Variants in GPR4 observed in about 807,000 individuals in gnomAD.
GPR4 encodes G protein-coupled receptor 4, also known as G-prodeshotein coupled receptor 4.
In GPR4, 11 loss-of-function variants were observed where a neutral mutation model predicts 17.8. That is an observed-to-expected ratio of 0.62 (90% CI 0.39 to 1.02). The LOEUF (loss-of-function observed/expected upper bound fraction) is 1.02. Among genes scored for constraint, GPR4 ranks in the 50% least tolerant of loss-of-function variants. The pLI, the probability that GPR4 is intolerant of heterozygous loss-of-function variation, is 0.00. For synonymous variants in GPR4, 219 were observed against 222.8 expected (o/e 0.98, Z 0.15); for missense variants, 364 against 495.4 (o/e 0.73, Z 2.52).
chr19:45,591,635 G>A lies in GPR4; in HGVS notation c.232C>T (p.Leu78=). 1.9e-6 allele frequency: 3 copies of A among 1,614,166 alleles called. No homozygotes were observed. The highest frequency in any genetic ancestry group is 2.5e-6 in the Non-Finnish European group (3 of 1,180,006). ...CTLPLWVDYF[L]HHDNWIHGPG... is the part of the protein sequence containing the mutation. ...CCGTGGATCCAGTTGTCGTGGTGCA[G>A]GAAGTAGTCCACCCACAGCGGCAGC... Residue 78 remains leucine, a synonymous_variant, in exon 2 of 2, where the codon CTG becomes TTG. Coordinates refer to ENST00000323040, the MANE Select transcript of GPR4 (RefSeq NM_005282.3). The surrounding 1 kb of genome is among the most constrained non-coding windows in gnomAD (Gnocchi z 7.6).
In GPR4 at chr19:45,592,700, G is replaced by A. The variant is rs1970010970; in HGVS notation, c.-831-3C>T. 6.0e-6 allele frequency: 1 copy of A among 166,876 alleles called. No individual in the cohort carries two copies. The highest frequency in any genetic ancestry group is 1.5e-5 in the Non-Finnish European group (1 of 68,234). The allele number at this position is 166,876 out of a possible 1,614,324, so 10.3% of individuals were successfully genotyped here. A position where few individuals can be genotyped will look rare whatever the true frequency, so the allele number is the denominator to read the frequency against. The stretch of plus-strand genomic sequence containing the variant: ...CAGTTCACCGCTGACTGCAGTGCCT[G>A]TTGGGAGAGAGGACAGCAGTGAGGG... On this transcript the variant is annotated splice_polypyrimidine_tract_variant and splice_region_variant and intron_variant, in intron 1 of 1. Coordinates refer to ENST00000323040, the MANE Select transcript of GPR4 (RefSeq NM_005282.3).
At position 45,591,375 on chromosome 19, in the gene GPR4, G is replaced by T; in HGVS notation, c.492C>A (p.Asn164Lys). 6.2e-7 allele frequency: 1 copy of T among 1,613,612 alleles called. No individual in the cohort carries two copies. The highest frequency in any genetic ancestry group is 8.5e-7 in the Non-Finnish European group (1 of 1,179,940). The stretch of plus-strand genomic sequence containing the variant: ...GGAACTTCTCAAAGCAGAAGGTGTG[G>T]TTGTAGCGGTCTCGGAAGAGCTCGT... The part of the protein sequence containing the change: ...FHDELFRDRY[N>K]HTFCFEKFPM... Residue 164 changes from asparagine (N) to lysine (K), a missense_variant, in exon 2 of 2, where the codon AAC (asparagine) becomes AAA (lysine). Coordinates refer to ENST00000323040, the MANE Select transcript of GPR4 (RefSeq NM_005282.3). The surrounding 1 kb of genome is among the most constrained non-coding windows in gnomAD (Gnocchi z 7.6).
chr19:45,591,798 G>A lies in GPR4; in HGVS notation c.69C>T (p.Leu23=), dbSNP rs766500177. 8.7e-6 allele frequency: 14 copies of A among 1,608,554 alleles called. No homozygotes were observed. In the South Asian group the frequency reaches 1.5e-4, roughly 18 times the overall value. The change falls in exon 2 of 2, where the codon CTC becomes CTT. Residue 23 remains leucine (L), a synonymous_variant. Transcript: ENST00000323040. This position sits in a 1 kb window ranked among gnomAD's most constrained non-coding sequence, Gnocchi z 7.6. ...GCCCCACGCCGATGACAAAGATGTA[G>A]AGGGATGGCGGAAAGAGGTGGTCCA... The part of the protein sequence containing the change: ...SRVDHLFPPS[L]YIFVIGVGLP...
chr19:45,597,440 C>A (rs1047872962), intron 1 of GPR4, among the ~76,000 whole-genome samples: 1 of 152,160 alleles, frequency 6.6e-6, no homozygotes, highest in African/African-American at 2.4e-5. Context: ...CCCCGACTCT[C>A]CCCTGCCCCA....
At position 45,590,601 on chromosome 19, in the gene GPR4, TG is replaced by T; in HGVS notation, c.*176del. Reference sequence around the variant, plus strand: ...GCCCTCCACAATCGCCAAACTGTGATGGGATCTGGGAGCACAAAGGTTGACC... The same window carrying T: ...GCCCTCCACAATCGCCAAACTGTGATGGATCTGGGAGCACAAAGGTTGACC... On this transcript the variant is annotated 3_prime_UTR_variant, in exon 2 of 2. Transcript: ENST00000323040. 1.4e-6 allele frequency: 1 copy of T among 699,018 alleles called. No homozygotes were observed. The highest frequency in any genetic ancestry group is 2.2e-6 in the Non-Finnish European group (1 of 448,282). 43.3% of individuals were successfully genotyped at this position (699,018 alleles called of 1,614,324 possible). A position where few individuals can be genotyped will look rare whatever the true frequency, so the allele number is the denominator to read the frequency against.
intron 1 of GPR4, among the ~76,000 whole-genome samples, chr19:45,596,899 C>T (rs1028146122): frequency 2.0e-5 from 3 of 152,034 alleles, no homozygotes; most frequent in Non-Finnish European, 4.4e-5. Context: ...AATGGACTTG[C>T]GGTAAAATCC....
chr19:45,600,246 C>T (rs1018531426), intron 1 of GPR4, among the ~76,000 whole-genome samples: 1 of 152,188 alleles, frequency 6.6e-6, no homozygotes, highest in African/African-American at 2.4e-5. Flanking sequence ...CTAGCCTCAG[C>T]CCTCCCCGCT....
Position 45,589,864 on chromosome 19 carries a change from C to T in GPR4, c.*914G>A, listed in dbSNP as rs1969970526. 6.6e-6 allele frequency: 1 copy of T among 152,316 alleles called. No individual in the cohort carries two copies. Among genetic ancestry groups the T allele is most frequent in the Non-Finnish European group, 1.5e-5 (1 of 68,118 alleles). 9.4% of individuals were successfully genotyped at this position (152,316 alleles called of 1,614,324 possible). The stretch of plus-strand genomic sequence containing the variant: ...CTCAGTCATTGTTGTGTCCCCAGCC[C>T]CACCCAGCACAGTGCCCTACATAAA... On this transcript the variant is annotated 3_prime_UTR_variant, in exon 2 of 2. Coordinates refer to ENST00000323040, the MANE Select transcript of GPR4 (RefSeq NM_005282.3).
chr19:45,601,141 G>A (rs979985062), intron 1 of GPR4, among the ~76,000 whole-genome samples: 1 of 152,108 alleles, frequency 6.6e-6, no homozygotes, highest in African/African-American at 2.4e-5. Flanking sequence ...GAACTGGGGG[G>A]TGTGGCCCCA....
At chr19:45,601,608 A>G (rs1240298977) in intron 1 of GPR4, among the ~76,000 whole-genome samples, 2 of 152,164 alleles carry the variant, frequency 1.3e-5, no homozygotes, top group East Asian at 1.9e-4. Context: ...GAAGGTGCCA[A>G]AACAGTGTTA....
chr19:45,594,992 G>A (rs1970042697), intron 1 of GPR4, among the ~76,000 whole-genome samples: 1 of 137,784 alleles, frequency 7.3e-6, no homozygotes, highest in South Asian at 2.3e-4. Flanking sequence ...TCAAAAAAAA[G>A]AAGTCCAGGC....
Position 45,594,064 on chromosome 19 carries a change from ATATATATATATATAT to A in GPR4, c.-831-1382_-831-1368del, listed in dbSNP as rs1243837109. Among the ~76,000 whole-genome samples the A allele has an allele frequency of 2.5e-4, 7 of 28,228 alleles. 1 individual carries two copies. Among genetic ancestry groups the A allele is most frequent in the African/African-American group, 1.3e-3 (6 of 4,742 alleles). 18.5% of individuals were successfully genotyped at this position (28,228 alleles called of 152,430 possible). On this transcript the variant is annotated intron_variant, in intron 1 of 1. Coordinates refer to ENST00000323040, the MANE Select transcript of GPR4 (RefSeq NM_005282.3). ...CCTGGCTTAAAAAAAAAAAAAAAAA[ATATATATATATATAT>A]ATATATATATATATAAAATAGATGC...
rs777179507 is a variant in GPR4, at chr19:45,591,758, G to A, written c.109C>T (p.Leu37=). The A allele has an allele frequency of 1.2e-6, 2 of 1,613,784 alleles. No homozygotes were observed. Among genetic ancestry groups the A allele is most frequent in the Non-Finnish European group, 1.7e-6 (2 of 1,179,934 alleles). ...TGGCGGTAGGCCGCCCACAGAGCCA[G>A]GCAGTTGGTGGGCAGCCCCACGCCG... ...VIGVGLPTNC[L]ALWAAYRQVQ... is the part of the protein sequence containing the mutation. Residue 37 remains leucine (L), a synonymous_variant, in exon 2 of 2, where the codon CTG becomes TTG. Transcript: ENST00000323040. This position sits in a 1 kb window ranked among gnomAD's most constrained non-coding sequence, Gnocchi z 7.6.
At chr19:45,594,010 A>T (rs1484568401) in intron 1 of GPR4, among the ~76,000 whole-genome samples, 2 of 138,004 alleles carry the variant, frequency 1.4e-5, no homozygotes, top group Non-Finnish European at 3.0e-5. Context: ...CCTCCCAAGT[A>T]GCTGGGAACA....
rs1438843274 is a variant in GPR4 at position 45,596,901 on chromosome 19, G to A, written c.-831-4204C>T. ...CCAATGGCTTCTGAATGGACTTGCG[G>A]TAAAATCCAGACTCCTCATCCGGAG... On this transcript the variant is annotated intron_variant, in intron 1 of 1. Transcript: ENST00000323040. Among the ~76,000 whole-genome samples the A allele has an allele frequency of 2.0e-5, 3 of 152,070 alleles. No individual in the cohort carries two copies. The East Asian group carries it at 5.8e-4, about 29-fold the overall frequency.
In GPR4 at chr19:45,591,281, G is replaced by A. The variant is rs1293668571; in HGVS notation, c.586C>T (p.Leu196Phe). Reference sequence around the variant, plus strand: ...ATGCCCCGGTACGACAGCAGCATGAGCGCCCACGGGAAGAGGAAGCCCACG... The same window carrying A: ...ATGCCCCGGTACGACAGCAGCATGAACGCCCACGGGAAGAGGAAGCCCACG... Reference protein sequence around the residue: ...VFVGFLFPWALMLLSYRGILR... With the variant: ...VFVGFLFPWAFMLLSYRGILR... The change falls in exon 2 of 2, where the codon CTC becomes TTC. Residue 196 changes from leucine (L) to phenylalanine (F), a missense_variant. Around this residue, in one of 3 missense-constraint regions of GPR4, gnomAD observed 271 missense variants for 373.1 expected, o/e 0.73. Coordinates refer to ENST00000323040, the MANE Select transcript of GPR4 (RefSeq NM_005282.3). This position sits in a 1 kb window ranked among gnomAD's most constrained non-coding sequence, Gnocchi z 7.6. The A allele has an allele frequency of 6.2e-7, 1 of 1,612,920 alleles. No individual in the cohort carries two copies. The highest frequency in any genetic ancestry group is 8.5e-7 in the Non-Finnish European group (1 of 1,179,914).
Position 45,590,736 on chromosome 19 carries a change from G to C in GPR4, c.*42C>G. 6.5e-7 allele frequency: 1 copy of C among 1,531,110 alleles called. No homozygotes were observed. Among genetic ancestry groups the C allele is most frequent in the Middle Eastern group, 1.8e-4 (1 of 5,644 alleles). 94.8% of individuals were successfully genotyped at this position (1,531,110 alleles called of 1,614,324 possible). A position where few individuals can be genotyped will look rare whatever the true frequency, so the allele number is the denominator to read the frequency against. ...ACCAGACCAGGAGAGAAGGGACTGT[G>C]GGATGAGAGGGGAAAACTGGGGATT... On this transcript the variant is annotated 3_prime_UTR_variant, in exon 2 of 2. Coordinates refer to ENST00000323040, the MANE Select transcript of GPR4 (RefSeq NM_005282.3).
Position 45,590,548 on chromosome 19 carries a change from T to G in GPR4, c.*230A>C. ...CAGTGAGACCCTGTCTCCAAAAAAA[T>G]ATATTTACTCATCTCCTCCTTCAGG... On this transcript the variant is annotated 3_prime_UTR_variant, in exon 2 of 2. Transcript: ENST00000323040. 2.0e-6 allele frequency: 1 copy of G among 488,052 alleles called. No homozygotes were observed. The highest frequency in any genetic ancestry group is 3.6e-6 in the Non-Finnish European group (1 of 279,740). The allele number at this position is 488,052 out of a possible 1,614,324, so 30.2% of individuals were successfully genotyped here.
chr19:45,600,097 C>A (rs922708651), intron 1 of GPR4, among the ~76,000 whole-genome samples: 2 of 152,098 alleles, frequency 1.3e-5, no homozygotes, highest in Non-Finnish European at 2.9e-5. Flanking sequence ...TAAGATTGTG[C>A]AGAATTCTAA....
Sources: allele counts gnomAD v4.1 joint callset (sites outside exome capture counted in the v4.1 genomes callset), GRCh38; gene constraint gnomAD v4.1.1; regional missense constraint gnomAD v4.1.1; non-coding constraint Gnocchi (gnomAD v3.1); transcripts MANE v1.5; gene names NCBI Gene and HGNC (gene_info 2026-07-23, HGNC 2026-07-21).